The following FCF1 variants were observed in gnomAD, a reference collection of about 807,000 sequenced individuals.
The protein encoded by FCF1 is rRNA-processing protein FCF1 homolog.
Under a neutral mutation model 32.5 loss-of-function variants are expected in FCF1, and 17 were observed. That is an observed-to-expected ratio of 0.52 (90% CI 0.36 to 0.78). The LOEUF (loss-of-function observed/expected upper bound fraction) is 0.78. Ranked by LOEUF, FCF1 falls within the 30% of genes least tolerant of loss-of-function variation. FCF1 has a pLI of 0.00. For missense variants in FCF1, 201 were observed against 241.1 expected (o/e 0.83, Z 1.10); for synonymous variants, 84 against 78.4 (o/e 1.07, Z -0.38).
chr14:74,721,087 CG>C (rs2090495946), intron 4 of FCF1, among the ~76,000 whole-genome samples: 1 of 150,936 alleles, frequency 6.6e-6, no homozygotes, highest in African/African-American at 2.4e-5. Flanking sequence ...CTCTGTTACC[CG>C]GGTTGGAGTG....
Position 74,714,898 on chromosome 14 carries a change from AAAAG to A in FCF1, c.106_109del (p.Glu36ArgfsTer7). On this transcript the variant is annotated frameshift_variant, in exon 3 of 8. Coordinates refer to ENST00000341162, the MANE Select transcript of FCF1 (RefSeq NM_015962.5). LOFTEE classifies it high-confidence loss of function. ...AAAGAAAAGGATAGATTAAAACCTA[AAAAG>A]AAAGAAAAGAAGGATCCCAGCGCAT... 1 of 1,593,202 alleles carries A rather than the reference AAAAG, an allele frequency of 6.3e-7. No individual in the cohort carries two copies. The highest frequency in any genetic ancestry group is 8.5e-7 in the Non-Finnish European group (1 of 1,172,228).
rs1555362682 is a variant in FCF1, at chr14:74,723,842, A to AG, written c.365+498_365+499insG. 4.9e-3 allele frequency among the ~76,000 whole-genome samples: 752 copies of AG among 152,006 alleles called. 3 individuals are homozygous for AG. The highest frequency in any genetic ancestry group is 7.9e-3 in the Non-Finnish European group (539 of 67,922). ...AAACTCTGTCTCAAAAAAAAAAAAA[A>AG]AGAGAAAATACAGAGAATATCTTAA... On this transcript the variant is annotated intron_variant, in intron 5 of 7. Transcript: ENST00000341162.
intron 2 of FCF1, 77 bp from the exon 3 acceptor site, chr14:74,714,794 TG>T: frequency 7.0e-7 from 1 of 1,434,678 alleles, no homozygotes; most frequent in Non-Finnish European, 9.2e-7. Context: ...AAAAAAAAAA[TG>T]GAACTTTAGA....
chr14:74,721,237 A>G (rs1362190592), intron 4 of FCF1, among the ~76,000 whole-genome samples: 1 of 151,472 alleles, frequency 6.6e-6, no homozygotes, highest in Non-Finnish European at 1.5e-5. Context: ...AGTAGAGATG[A>G]GGTTTCACCA....
chr14:74,716,081 G>A lies in FCF1; in HGVS notation c.274G>A (p.Asp92Asn), dbSNP rs1185403037. Residue 92 changes from aspartate to asparagine, a missense_variant, in exon 4 of 8, where the codon GAC becomes AAC. Asp to Asn is a conservative substitution (Grantham distance 23). Transcript: ENST00000341162. ...ACTGGACTTAGTGCAGTCAATGATGGACTGTCTGTATGCCAAGTGTGAGTA... is the reference window on the plus strand; with the variant it reads ...ACTGGACTTAGTGCAGTCAATGATGAACTGTCTGTATGCCAAGTGTGAGTA... ...AKLDLVQSMM[D>N]CLYAKCIPCI... The A allele has an allele frequency of 6.2e-7, 1 of 1,613,762 alleles. No individual in the cohort carries two copies. Among genetic ancestry groups the A allele is most frequent in the African/African-American group, 1.3e-5 (1 of 74,870 alleles).
rs1212151604 is a variant in FCF1 at position 74,713,351 on chromosome 14, A to C, written c.4-134A>C. On this transcript the variant is annotated intron_variant, in intron 1 of 7. Coordinates refer to ENST00000341162, the MANE Select transcript of FCF1 (RefSeq NM_015962.5). ...TAAACTTCTCCAAGCGGTGACTGTT[A>C]TGCTTTACAGAGTGGGGAAGAGGGT... 1.9e-6 allele frequency: 3 copies of C among 1,570,664 alleles called. No individual in the cohort carries two copies. In the East Asian group the frequency reaches 6.9e-5, roughly 36 times the overall value.
At position 74,727,069 on chromosome 14, in the gene FCF1, A is replaced by G. The variant is rs938539150; in HGVS notation, c.365+3725A>G. 1.6e-3 allele frequency among the ~76,000 whole-genome samples: 240 copies of G among 152,202 alleles called. 2 individuals carry two copies. The highest frequency in any genetic ancestry group is 4.7e-3 in the African/African-American group (195 of 41,514). ...GTGAATAATGCCACAATAAACATAC[A>G]TGTGCATGTGCCTTTATAGCAGCAT... is the stretch of plus-strand genomic sequence containing the variant. On this transcript the variant is annotated intron_variant, in intron 5 of 7. Transcript: ENST00000341162.
chr14:74,714,159 AAG>A (rs1221685664), intron 2 of FCF1, among the ~76,000 whole-genome samples: 1 of 152,192 alleles, frequency 6.6e-6, no homozygotes, highest in Admixed American at 6.5e-5. Flanking sequence ...CACTGAGTTT[AAG>A]AGTCTCAGAA....
intron 4 of FCF1, among the ~76,000 whole-genome samples, chr14:74,721,811 G>GT (rs2090507826): frequency 6.6e-6 from 1 of 152,084 alleles, no homozygotes; most frequent in African/African-American, 2.4e-5. Context: ...ATCTTATTAG[G>GT]TATTTTGGTT....
intron 5 of FCF1, among the ~76,000 whole-genome samples, chr14:74,729,387 C>T (rs1164758105): frequency 1.3e-5 from 2 of 151,902 alleles, no homozygotes; most frequent in African/African-American, 2.4e-5. Flanking sequence ...AGTTTATTTG[C>T]GTAGAGGTGT....
rs199980632 is a variant in FCF1, at chr14:74,714,923, C to T, written c.123C>T (p.Ser41=). 6.9e-6 allele frequency: 11 copies of T among 1,596,966 alleles called. No individual in the cohort carries two copies. In the East Asian group the frequency reaches 9.0e-5, roughly 13 times the overall value. ...AAAAGAAAGAAAAGAAGGATCCCAGCGCATTAAAGGAAAGAGAAGTGTGAG... is the reference window on the plus strand; with the variant it reads ...AAAAGAAAGAAAAGAAGGATCCCAGTGCATTAAAGGAAAGAGAAGTGTGAG... ...KPKKKEKKDP[S]ALKEREVPQH... Residue 41 remains serine, a synonymous_variant, in exon 3 of 8, where the codon AGC becomes AGT. Coordinates refer to ENST00000341162, the MANE Select transcript of FCF1 (RefSeq NM_015962.5).
intron 5 of FCF1, among the ~76,000 whole-genome samples, chr14:74,727,645 C>T (rs2090591658): frequency 6.6e-6 from 1 of 151,982 alleles, no homozygotes; most frequent in African/African-American, 2.4e-5. Flanking sequence ...GCTTTTGTTG[C>T]CATTGCTTTT....
intron 7 of FCF1, 73 bp downstream of exon 7, chr14:74,734,243 A>C (rs2090676818): frequency 1.2e-6 from 1 of 825,226 alleles, no homozygotes; most frequent in Non-Finnish European, 2.0e-6. Context: ...ATAAGTGATA[A>C]GGTTATAAAG....
At position 74,714,877 on chromosome 14, in the gene FCF1, A is replaced by G. The variant is rs1033681658; in HGVS notation, c.77A>G (p.Glu26Gly). The change falls in exon 3 of 8, where the codon GAA becomes GGA. Residue 26 changes from glutamate to glycine, a missense_variant. Coordinates refer to ENST00000341162, the MANE Select transcript of FCF1 (RefSeq NM_015962.5). ...ATTTACCTTTTTCTTCCTAGTAAAG[A>G]AAAGGATAGATTAAAACCTAAAAAG... Reference protein sequence around the residue: ...MLSLRDQRLKEKDRLKPKKKE... With the variant: ...MLSLRDQRLKGKDRLKPKKKE... 3.8e-6 allele frequency: 6 copies of G among 1,578,732 alleles called. No individual in the cohort carries two copies. In the Admixed American group the frequency reaches 5.7e-5, roughly 15 times the overall value.
At chr14:74,718,831 A>G (rs1386788348) in intron 4 of FCF1, among the ~76,000 whole-genome samples, 1 of 152,092 alleles carries the variant, frequency 6.6e-6, no homozygotes, top group Non-Finnish European at 1.5e-5. Flanking sequence ...AGCCTGGGCA[A>G]CATAACGAGA....
intron 4 of FCF1, among the ~76,000 whole-genome samples, chr14:74,720,913 CTG>C (rs1566716781): frequency 6.8e-6 from 1 of 147,038 alleles, no homozygotes; most frequent in East Asian, 2.0e-4. Context: ...GGCTGTCACT[CTG>C]TCACCCAGGC....
intron 1 of FCF1, 30 bp downstream of exon 1, chr14:74,713,230 TATCAGGCCACTTTTTGG>T: frequency 1.2e-6 from 2 of 1,614,194 alleles, no homozygotes. Context: ...GAAGGGACGT[TATCAGGCCACTTTTTGG>T]GTGGAGAAGG....
intron 5 of FCF1, among the ~76,000 whole-genome samples, chr14:74,729,028 A>G (rs573081302): frequency 1.3e-5 from 2 of 152,304 alleles, no homozygotes; most frequent in East Asian, 1.9e-4. Flanking sequence ...GGATTTTTGC[A>G]TCAGTGTTCA....
chr14:74,729,446 A>G (rs2090608222), intron 5 of FCF1, among the ~76,000 whole-genome samples: 1 of 151,936 alleles, frequency 6.6e-6, no homozygotes. Flanking sequence ...ATCGGTGATG[A>G]TATCCCCTTT....
Sources: allele counts gnomAD v4.1 joint callset (sites outside exome capture counted in the v4.1 genomes callset), GRCh38; gene constraint gnomAD v4.1.1; transcripts MANE v1.5; gene names NCBI Gene and HGNC (gene_info 2026-07-23, HGNC 2026-07-21).